CSMD1: variants seen among roughly 807,000 people sequenced by gnomAD.
CSMD1 encodes CUB and sushi domain-containing protein 1.
Under a neutral mutation model 417.5 loss-of-function variants are expected in CSMD1, and 213 were observed. That is an observed-to-expected ratio of 0.51 (90% CI 0.46 to 0.57). CSMD1 has a LOEUF of 0.57. Ranked by LOEUF, CSMD1 falls within the 20% of genes least tolerant of loss-of-function variation. The pLI, the probability that CSMD1 is intolerant of heterozygous loss-of-function variation, is 0.00. For missense variants in CSMD1, 6,923 were observed against 4,529.7 expected (o/e 1.53, Z -15.17); for synonymous variants, 2,862 against 1,736.8 (o/e 1.65, Z -16.11).
chr8:4,158,712 C>T (rs1029944700), intron 3 of CSMD1, among the ~76,000 whole-genome samples: 1 of 152,090 alleles, frequency 6.6e-6, no homozygotes, highest in African/African-American at 2.4e-5. Context: ...CCACCCCATT[C>T]AGTCCTTATC....
chr8:3,721,580 G>C (rs1197788654), intron 6 of CSMD1, among the ~76,000 whole-genome samples: 2 of 152,082 alleles, frequency 1.3e-5, no homozygotes, highest in Non-Finnish European at 2.9e-5. Flanking sequence ...TGGTATTTCA[G>C]GTTCAAACTT....
chr8:4,819,407 C>T (rs1231468653), intron 1 of CSMD1, among the ~76,000 whole-genome samples: 1 of 151,982 alleles, frequency 6.6e-6, no homozygotes, highest in Non-Finnish European at 1.5e-5. Flanking sequence ...TGTCATTCTG[C>T]AAGCTTCATA....
chr8:3,096,817 G>C (rs755411633), intron 47 of CSMD1, 32 bp downstream of exon 47: 2 of 1,367,242 alleles, frequency 1.5e-6, no homozygotes, highest in East Asian at 2.6e-5. Context: ...TGATGCCGAG[G>C]TCACTGCTCT....
intron 3 of CSMD1, among the ~76,000 whole-genome samples, chr8:4,245,829 A>G (rs1802673308): frequency 6.6e-6 from 1 of 152,184 alleles, no homozygotes; most frequent in Non-Finnish European, 1.5e-5. Context: ...AGTGTGCACA[A>G]TCACATCATT....
intron 5 of CSMD1, among the ~76,000 whole-genome samples, chr8:3,852,522 A>C (rs763906913): frequency 1.1e-4 from 17 of 152,180 alleles, no homozygotes; most frequent in African/African-American, 2.4e-4. Context: ...AAATTCCAGA[A>C]AACATAGTAG....
chr8:4,835,374 G>A (rs1290361539), intron 1 of CSMD1, among the ~76,000 whole-genome samples: 3 of 152,172 alleles, frequency 2.0e-5, no homozygotes, highest in Non-Finnish European at 4.4e-5. Flanking sequence ...TCTGAGGTTA[G>A]TAATTTGGGA....
At chr8:3,831,739 C>T (rs1278676280) in intron 5 of CSMD1, among the ~76,000 whole-genome samples, 2 of 152,034 alleles carry the variant, frequency 1.3e-5, no homozygotes, top group Non-Finnish European at 2.9e-5. Flanking sequence ...TTTCCAAATA[C>T]AGTTCTCGGA....
At chr8:4,365,299 T>C (rs780144254) in intron 3 of CSMD1, among the ~76,000 whole-genome samples, 1 of 152,228 alleles carries the variant, frequency 6.6e-6, no homozygotes, top group Non-Finnish European at 1.5e-5. Flanking sequence ...AAATTTAGGA[T>C]TACACCTGAT....
intron 1 of CSMD1, among the ~76,000 whole-genome samples, chr8:4,974,468 T>C (rs897804552): frequency 6.6e-6 from 1 of 151,972 alleles, no homozygotes; most frequent in African/African-American, 2.4e-5. Flanking sequence ...AGGCTATATA[T>C]AAATCACTAC....
intron 2 of CSMD1, among the ~76,000 whole-genome samples, chr8:4,440,304 A>C (rs933208615): frequency 6.6e-6 from 1 of 152,216 alleles, no homozygotes; most frequent in Non-Finnish European, 1.5e-5. Context: ...AGAAAAATGG[A>C]ATCAGCTGGA....
At chr8:3,844,561 G>C (rs559401583) in intron 5 of CSMD1, among the ~76,000 whole-genome samples, 12 of 152,232 alleles carry the variant, frequency 7.9e-5, no homozygotes, top group African/African-American at 2.9e-4. Flanking sequence ...TGGATTTTTA[G>C]GAAAGTAATA....
chr8:4,089,450 G>A (rs553382222), intron 3 of CSMD1, among the ~76,000 whole-genome samples: 5 of 152,044 alleles, frequency 3.3e-5, no homozygotes, highest in Non-Finnish European at 5.9e-5. Flanking sequence ...ACTCATTTTT[G>A]TGTCCTTCAT....
intron 3 of CSMD1, among the ~76,000 whole-genome samples, chr8:4,396,324 A>C (rs187216352): frequency 0.013 from 1,959 of 150,934 alleles, 43 homozygotes; most frequent in African/African-American, 0.043. Flanking sequence ...AAAAATAGCC[A>C]GGCATGGTAG....
chr8:3,635,622 T>C (rs773884032), intron 7 of CSMD1, among the ~76,000 whole-genome samples: 38 of 151,230 alleles, frequency 2.5e-4, no homozygotes, highest in Non-Finnish European at 4.6e-4. Context: ...TAGCTGGGAC[T>C]ACAGGCGCCA....
At chr8:4,046,427 G>C (rs745794380) in intron 3 of CSMD1, among the ~76,000 whole-genome samples, 1 of 152,122 alleles carries the variant, frequency 6.6e-6, no homozygotes, top group Non-Finnish European at 1.5e-5. Flanking sequence ...AAACCTAAAT[G>C]TGCTTTCTGT....
chr8:4,681,074 C>G (rs1346125036), intron 1 of CSMD1, among the ~76,000 whole-genome samples: 1 of 151,732 alleles, frequency 6.6e-6, no homozygotes, highest in Non-Finnish European at 1.5e-5. Context: ...TGCATTATGG[C>G]TACGTAATGA....
chr8:3,555,357 T>C (rs989153508), intron 10 of CSMD1, among the ~76,000 whole-genome samples: 1 of 152,102 alleles, frequency 6.6e-6, no homozygotes, highest in Non-Finnish European at 1.5e-5. Context: ...ATTTCTGGTG[T>C]GGTCATTGAT....
At chr8:3,590,581 A>G (rs966412730) in intron 8 of CSMD1, among the ~76,000 whole-genome samples, 1 of 152,206 alleles carries the variant, frequency 6.6e-6, no homozygotes, top group Non-Finnish European at 1.5e-5. Context: ...AGTATAGAAC[A>G]CATTCCATAA....
At chr8:3,731,037 T>G (rs1796222038) in intron 6 of CSMD1, among the ~76,000 whole-genome samples, 2 of 152,226 alleles carry the variant, frequency 1.3e-5, no homozygotes, top group Non-Finnish European at 2.9e-5. Context: ...ATCACTCAGC[T>G]GTAATAATTA....
Sources: allele counts gnomAD v4.1 joint callset (sites outside exome capture counted in the v4.1 genomes callset), GRCh38; gene constraint gnomAD v4.1.1; transcripts MANE v1.5; gene names NCBI Gene and HGNC (gene_info 2026-07-23, HGNC 2026-07-21).